The following EFCAB3 variants were observed in gnomAD, a reference collection of about 807,000 sequenced individuals.
EFCAB3 encodes the protein EF-hand calcium binding domain 3.
A neutral mutation model predicts 42.2 loss-of-function variants in EFCAB3; 36 were observed. The observed-to-expected ratio is 0.85, with a 90% CI of 0.65 to 1.13. The LOEUF (loss-of-function observed/expected upper bound fraction) is 1.13. Ranked by LOEUF, EFCAB3 falls within the 50% of genes most tolerant of loss-of-function variation. The pLI is 0.00. For missense variants in EFCAB3, 418 were observed against 505.1 expected (o/e 0.83, Z 1.65); for synonymous variants, 170 against 172.8 (o/e 0.98, Z 0.13).
In EFCAB3 at chr17:62,387,327, C is replaced by T. The variant is rs9909704; in HGVS notation, c.75-13C>T. 1,579,324 of 1,599,254 alleles carry T rather than the reference C, an allele frequency of 0.99. 781,904 individuals carry two copies. Among genetic ancestry groups the T allele is most frequent in the East Asian group, 1 (44,559 of 44,560 alleles). ...TAGGTAGTAAATCTAAATATTTTCA[C>T]ATCTTTCCTCAGGGATAGAGACTTA... On this transcript the variant is annotated splice_polypyrimidine_tract_variant and intron_variant, in intron 2 of 9. Coordinates refer to ENST00000305286, the MANE Select transcript of EFCAB3 (RefSeq NM_173503.4).
chr17:62,406,576 C>T lies in EFCAB3; in HGVS notation c.585C>T (p.Cys195=), dbSNP rs1567727834. The stretch of plus-strand genomic sequence containing the variant: ...AAAGGACACTTAAGCCAGACATATG[C>T]ACACCTCCAAGCTCAAGCATGGCTG... ...YGKRTLKPDI[C]TPPSSSMAAF... Residue 195 remains cysteine, a synonymous_variant, in exon 7 of 10, where the codon TGC becomes TGT. Coordinates refer to ENST00000305286, the MANE Select transcript of EFCAB3 (RefSeq NM_173503.4). 2.5e-6 allele frequency: 4 copies of T among 1,613,960 alleles called. No homozygotes were observed. Among genetic ancestry groups the T allele is most frequent in the Non-Finnish European group, 3.4e-6 (4 of 1,179,956 alleles).
At chr17:62,397,699 C>A in intron 6 of EFCAB3, 5 of 545,974 alleles carry the variant, frequency 9.2e-6, no homozygotes, top group South Asian at 6.2e-5. Flanking sequence ...TTGAGAAAAA[C>A]GATAAAGTTC....
At chr17:62,382,041 CT>C in intron 1 of EFCAB3, 2 of 208,342 alleles carry the variant, frequency 9.6e-6, no homozygotes. Flanking sequence ...CAAATAAAGC[CT>C]TTTACACATC....
chr17:62,395,201 GA>G lies in EFCAB3; in HGVS notation c.488+16del. On this transcript the variant is annotated intron_variant, in intron 6 of 9. Transcript: ENST00000305286. ...TAGAAATAGTAAGGTAAGTGAGAAGGAAAGGAGCAAAAACAGCCTTCTCAGA... is the reference window on the plus strand; with the variant it reads ...TAGAAATAGTAAGGTAAGTGAGAAGGAAGGAGCAAAAACAGCCTTCTCAGA... 2.5e-6 allele frequency: 4 copies of G among 1,609,048 alleles called. No homozygotes were observed. The highest frequency in any genetic ancestry group is 3.4e-6 in the Non-Finnish European group (4 of 1,178,686).
chr17:62,378,006 A>G, upstream of EFCAB3: 2 of 1,549,942 alleles, frequency 1.3e-6, no homozygotes, highest in Non-Finnish European at 1.7e-6. Context: ...GAAAACTGCA[A>G]ATGATATTAA....
chr17:62,393,503 A>G (rs2070321946), intron 4 of EFCAB3, 70 bp from the exon 5 acceptor site: 3 of 1,204,374 alleles, frequency 2.5e-6, no homozygotes, highest in African/African-American at 3.1e-5. Flanking sequence ...TTTAATTTTT[A>G]TATTTAATAT....
At chr17:62,403,283 C>G (rs2070420092) in intron 6 of EFCAB3, among the ~76,000 whole-genome samples, 1 of 152,156 alleles carries the variant, frequency 6.6e-6, no homozygotes, top group African/African-American at 2.4e-5. Context: ...TAAGCCCTGT[C>G]TATCTTACCT....
intron 6 of EFCAB3, chr17:62,397,900 C>A (rs533393710): frequency 1.4e-4 from 36 of 257,592 alleles, no homozygotes; most frequent in Middle Eastern, 1.4e-3. Context: ...TGGAGGGTGC[C>A]TGTAATCCCA....
intron 5 of EFCAB3, 84 bp downstream of exon 5, chr17:62,393,728 G>A (rs2070324691): frequency 2.5e-6 from 3 of 1,224,300 alleles, no homozygotes; most frequent in African/African-American, 1.5e-5. Context: ...CTTCCAGTCG[G>A]GAGACAGGTC....
chr17:62,376,709 G>A (rs117103289), upstream of EFCAB3, among the ~76,000 whole-genome samples: 67 of 152,130 alleles, frequency 4.4e-4, no homozygotes, highest in East Asian at 8.7e-3. Flanking sequence ...CTACCTAAGC[G>A]TGATAACGTG....
intron 3 of EFCAB3, among the ~76,000 whole-genome samples, chr17:62,390,537 A>G (rs1340022554): frequency 6.6e-6 from 1 of 152,152 alleles, no homozygotes; most frequent in Non-Finnish European, 1.5e-5. Flanking sequence ...TATTTATTAC[A>G]TTTATATGAA....
intron 6 of EFCAB3, among the ~76,000 whole-genome samples, chr17:62,395,911 T>C (rs540192283): frequency 6.6e-6 from 1 of 152,052 alleles, no homozygotes; most frequent in Non-Finnish European, 1.5e-5. Flanking sequence ...CCACCAACAA[T>C]GTAAAAATAT....
intron 1 of EFCAB3, chr17:62,381,649 T>C: frequency 5.4e-6 from 1 of 186,148 alleles, no homozygotes; most frequent in Non-Finnish European, 1.1e-5. Context: ...TGCCACCGCC[T>C]CCGTAGACGC....
chr17:62,384,232 T>C (rs1182837665), intron 2 of EFCAB3, among the ~76,000 whole-genome samples: 2 of 152,174 alleles, frequency 1.3e-5, no homozygotes. Context: ...AAATGTAAGG[T>C]TCTTCAGTCA....
At chr17:62,391,388 A>T (rs1344127104) in intron 3 of EFCAB3, among the ~76,000 whole-genome samples, 1 of 151,990 alleles carries the variant, frequency 6.6e-6, no homozygotes, top group Non-Finnish European at 1.5e-5. Flanking sequence ...CCTGGCTGAT[A>T]AATCAACAAT....
intron 9 of EFCAB3, among the ~76,000 whole-genome samples, chr17:62,414,089 C>G (rs2070523450): frequency 6.6e-6 from 1 of 152,240 alleles, no homozygotes; most frequent in Non-Finnish European, 1.5e-5. Context: ...GCTATACTCA[C>G]TGTTATTTCT....
chr17:62,401,005 T>C lies in EFCAB3; in HGVS notation c.489-5475T>C, dbSNP rs544217433. ...CTAACTGGTGTGAGATGGTATCTCA[T>C]TGTGGTTTTGATTTGCATTTCTCTG... On this transcript the variant is annotated intron_variant, in intron 6 of 9. Transcript: ENST00000305286. Among the ~76,000 whole-genome samples, 5 of 152,302 alleles carry C rather than the reference T, an allele frequency of 3.3e-5. No individual in the cohort carries two copies. The East Asian group carries it at 7.7e-4, about 23-fold the overall frequency.
upstream of EFCAB3, among the ~76,000 whole-genome samples, chr17:62,377,057 A>AGAGT (rs1413358493): frequency 6.6e-6 from 1 of 152,156 alleles, no homozygotes. Flanking sequence ...AGAGAGAGAG[A>AGAGT]GAGTGACCAG....
chr17:62,387,292 T>C (rs377528937), intron 2 of EFCAB3, 48 bp from the exon 3 acceptor site: 11 of 1,441,976 alleles, frequency 7.6e-6, no homozygotes, highest in Non-Finnish European at 1.1e-5. Flanking sequence ...TAATATCTGC[T>C]GGTTTCACAT....
Sources: gnomAD v4.1 joint callset for allele counts (sites outside exome capture counted in the v4.1 genomes callset) on GRCh38, gnomAD v4.1.1 for gene constraint, MANE v1.5 for transcripts, NCBI Gene and HGNC (gene_info 2026-07-23, HGNC 2026-07-21) for gene names.